MGAT4C: variants seen among roughly 807,000 people sequenced by gnomAD.
The protein encoded by MGAT4C is MGAT4 family member C, also known as alpha-1,3-mannosyl-glycoprotein 4-beta-N-acetylglucosaminyltransferase C.
MGAT4C carries 19 observed loss-of-function variants against 40.1 expected under a neutral mutation model. The ratio of observed to expected loss-of-function variants is 0.47; its 90% CI spans 0.33 to 0.70. The LOEUF (loss-of-function observed/expected upper bound fraction) is 0.70, where lower values mean the gene tolerates loss of function less well. Among genes scored for constraint, MGAT4C ranks in the 30% least tolerant of loss-of-function variants. MGAT4C has a pLI of 0.02. For synonymous variants in MGAT4C, 181 were observed against 187.1 expected, an observed-to-expected ratio of 0.97 and a Z score of 0.27; for missense variants, 491 against 563.2, an observed-to-expected ratio of 0.87 and a Z score of 1.30.
chr12:86,470,420 G>A (rs1367906748), intron 2 of MGAT4C, among the ~76,000 whole-genome samples: 4 of 152,132 alleles, frequency 2.6e-5, no homozygotes, highest in Admixed American at 2.6e-4. Context: ...CCTATGCTAA[G>A]GATGAGAGAG....
chr12:86,215,263 G>C (rs1182831901), intron 1 of MGAT4C, among the ~76,000 whole-genome samples: 3 of 151,426 alleles, frequency 2.0e-5, no homozygotes, highest in Middle Eastern at 6.8e-3. Flanking sequence ...TTAATTTCTA[G>C]GGTTTAAAAA....
At chr12:86,307,210 T>A (rs1592677087) in intron 4 of MGAT4C, among the ~76,000 whole-genome samples, 1 of 79,674 alleles carries the variant, frequency 1.3e-5, no homozygotes, top group African/African-American at 3.8e-5. Context: ...GTATTTATTA[T>A]AATAACTGTA....
chr12:86,327,592 G>C (rs1566291835), intron 4 of MGAT4C, among the ~76,000 whole-genome samples: 1 of 151,540 alleles, frequency 6.6e-6, no homozygotes, highest in Non-Finnish European at 1.5e-5. Flanking sequence ...TTGTTTAAGT[G>C]GAAAAAATTG....
intron 1 of MGAT4C, among the ~76,000 whole-genome samples, chr12:86,814,611 G>A (rs1437722731): frequency 6.6e-6 from 1 of 151,262 alleles, no homozygotes; most frequent in Non-Finnish European, 1.5e-5. Flanking sequence ...TTCTGAAATC[G>A]TTTCTATGGT....
intron 2 of MGAT4C, among the ~76,000 whole-genome samples, chr12:86,628,803 T>C (rs1433676396): frequency 6.6e-6 from 1 of 152,050 alleles, no homozygotes; most frequent in East Asian, 1.9e-4. Flanking sequence ...TGCCAAATTG[T>C]AAACACCATT....
At position 86,700,599 on chromosome 12, in the gene MGAT4C, T is replaced by C. The variant is rs182300246; in HGVS notation, c.-229+26610A>G. Reference sequence around the variant, plus strand: ...TCAAGAAAAGGTTACGTATGTATTATAGTGGGTGCATATAGAGTTACATCT... The same window carrying C: ...TCAAGAAAAGGTTACGTATGTATTACAGTGGGTGCATATAGAGTTACATCT... On this transcript the variant is annotated intron_variant, in intron 2 of 7. Transcript: ENST00000548651. Among the ~76,000 whole-genome samples the C allele has an allele frequency of 3.2e-3, 488 of 152,250 alleles. 2 individuals are homozygous for C. Among genetic ancestry groups the C allele is most frequent in the Middle Eastern group, 0.014 (4 of 294 alleles).
rs191811520 is a variant in MGAT4C at position 86,038,650 on chromosome 12, C to T, written c.-7+11024G>A. Among the ~76,000 whole-genome samples, 8 of 149,470 alleles carry T rather than the reference C, an allele frequency of 5.4e-5. No homozygotes were observed. In the East Asian group the frequency reaches 1.5e-3, roughly 29 times the overall value. On this transcript the variant is annotated intron_variant, in intron 2 of 4. Coordinates refer to ENST00000611864, the MANE Select transcript of MGAT4C (RefSeq NM_001351288.2). Reference sequence around the variant, plus strand: ...GTGTCTTTGCATGTGAGATAGGTCTCCTGAATACAGCACACCGATGGGTCT... The same window carrying T: ...GTGTCTTTGCATGTGAGATAGGTCTTCTGAATACAGCACACCGATGGGTCT...
At chr12:86,807,944 T>C (rs1267021569) in intron 1 of MGAT4C, among the ~76,000 whole-genome samples, 2 of 152,062 alleles carry the variant, frequency 1.3e-5, no homozygotes, top group African/African-American at 4.8e-5. Flanking sequence ...GAAATGTCTG[T>C]TAATATCTTT....
At chr12:86,441,691 G>T (rs1164637363) in intron 2 of MGAT4C, among the ~76,000 whole-genome samples, 1 of 151,760 alleles carries the variant, frequency 6.6e-6, no homozygotes, top group Admixed American at 6.6e-5. Flanking sequence ...CTTTTTTATG[G>T]CTGCATAGTA....
chr12:86,516,582 C>A (rs924241895), intron 2 of MGAT4C, among the ~76,000 whole-genome samples: 2 of 151,556 alleles, frequency 1.3e-5, no homozygotes, highest in Non-Finnish European at 2.9e-5. Flanking sequence ...AATATGAGAC[C>A]AAAAGCACAA....
At chr12:86,005,696 G>A (rs1887806741) in intron 2 of MGAT4C, among the ~76,000 whole-genome samples, 1 of 152,068 alleles carries the variant, frequency 6.6e-6, no homozygotes, top group Non-Finnish European at 1.5e-5. Flanking sequence ...GGACTTCTTA[G>A]CTTCAAAAGG....
At chr12:86,406,959 C>T (rs904642271) in intron 3 of MGAT4C, among the ~76,000 whole-genome samples, 13 of 152,202 alleles carry the variant, frequency 8.5e-5, no homozygotes, top group South Asian at 6.2e-4. Flanking sequence ...CAGTCCCATA[C>T]GATTGTCCTC....
chr12:86,560,633 A>T (rs1435582039), intron 2 of MGAT4C, among the ~76,000 whole-genome samples: 1 of 152,290 alleles, frequency 6.6e-6, no homozygotes, highest in Middle Eastern at 3.4e-3. Flanking sequence ...TAGAAGATGC[A>T]TGCCTCTACA....
intron 2 of MGAT4C, among the ~76,000 whole-genome samples, chr12:86,663,353 CAAAAAAAAAAA>C (rs58562873): frequency 4.5e-5 from 2 of 44,804 alleles, no homozygotes; most frequent in Non-Finnish European, 8.8e-5. Context: ...TCCTCTGTCT[CAAAAAAAAAAA>C]AAAAAAAAAA....
chr12:86,476,774 G>T (rs1275841410), intron 2 of MGAT4C, among the ~76,000 whole-genome samples: 1 of 152,084 alleles, frequency 6.6e-6, no homozygotes, highest in Non-Finnish European at 1.5e-5. Context: ...TATGTCATTT[G>T]CAGCAACATG....
chr12:86,328,524 C>T (rs1426875025), intron 4 of MGAT4C, among the ~76,000 whole-genome samples: 1 of 151,696 alleles, frequency 6.6e-6, no homozygotes, highest in Non-Finnish European at 1.5e-5. Context: ...TTCTATACAG[C>T]AACAATAGAA....
At chr12:86,092,303 T>C (rs574148009) in intron 1 of MGAT4C, among the ~76,000 whole-genome samples, 1 of 152,218 alleles carries the variant, frequency 6.6e-6, no homozygotes, top group East Asian at 1.9e-4. Context: ...TATTTATATA[T>C]CTTGGAAGGA....
chr12:86,585,319 CAGAGTTAATGTAA>C lies in MGAT4C; in HGVS notation c.-229+141877_-229+141889del, dbSNP rs1344615275. On this transcript the variant is annotated intron_variant, in intron 2 of 7. Coordinates refer to the MGAT4C transcript ENST00000548651. ...CCAAACTAAAATTCCTACAGCCTTT[CAGAGTTAATGTAA>C]CAGTTTAATTATTGTTTAATTATGT... is the stretch of plus-strand genomic sequence containing the variant. Among the ~76,000 whole-genome samples the C allele has an allele frequency of 7.3e-5, 11 of 151,444 alleles. No individual in the cohort carries two copies. In the East Asian group the frequency reaches 2.1e-3, roughly 29 times the overall value.
intron 1 of MGAT4C, among the ~76,000 whole-genome samples, chr12:86,137,484 A>G (rs940322877): frequency 6.6e-6 from 1 of 152,188 alleles, no homozygotes. Context: ...GTTATTGCCT[A>G]AAGTCCAAGC....
Sources: allele counts gnomAD v4.1 joint callset (sites outside exome capture counted in the v4.1 genomes callset), GRCh38; gene constraint gnomAD v4.1.1; transcripts MANE v1.5; gene names NCBI Gene and HGNC (gene_info 2026-07-23, HGNC 2026-07-21).